Variants in CUX1 observed in about 807,000 individuals in gnomAD.
The protein encoded by CUX1 is cut like homeobox 1.
A neutral mutation model predicts 158.8 loss-of-function variants in CUX1; 31 were observed. That is an observed-to-expected ratio of 0.20 (90% CI 0.15 to 0.26). The LOEUF is 0.26. Among genes scored for constraint, CUX1 ranks in the 10% least tolerant of loss-of-function variants. The pLI is 1.00. For synonymous variants in CUX1, 879 were observed against 862.1 expected, an observed-to-expected ratio of 1.02 and a Z score of -0.34; for missense variants, 1,589 against 2,014.6, an observed-to-expected ratio of 0.79 and a Z score of 4.04.
At chr7:102,049,681 AAAAAC>A (rs1213598261) in intron 3 of CUX1, among the ~76,000 whole-genome samples, 1 of 152,100 alleles carries the variant, frequency 6.6e-6, no homozygotes, top group Non-Finnish European at 1.5e-5. Context: ...CTCTACCAAA[AAAAAC>A]AAAAACAAAA....
chr7:102,036,922 G>C (rs898192029), intron 3 of CUX1, among the ~76,000 whole-genome samples: 1 of 152,208 alleles, frequency 6.6e-6, no homozygotes, highest in East Asian at 1.9e-4. Context: ...CGAGTGCACT[G>C]GCTGCTATCT....
chr7:102,177,379 A>C (rs1308052433), intron 10 of CUX1, among the ~76,000 whole-genome samples: 1 of 150,192 alleles, frequency 6.7e-6, no homozygotes, highest in Non-Finnish European at 1.5e-5. Context: ...GCGCCACTGC[A>C]CTCCAGCCTG....
At chr7:102,013,088 T>G (rs1229844101) in intron 2 of CUX1, among the ~76,000 whole-genome samples, 2 of 151,660 alleles carry the variant, frequency 1.3e-5, no homozygotes, top group Admixed American at 6.6e-5. Flanking sequence ...CCTCAAATAC[T>G]TACTAGTTTA....
Position 102,253,010 on chromosome 7 carries a change from C to A in CUX1, c.*3968C>A. The A allele has an allele frequency of 2.0e-6, 2 of 985,460 alleles. No individual in the cohort carries two copies. The highest frequency in any genetic ancestry group is 2.4e-6 in the Non-Finnish European group (2 of 829,962). 61.0% of individuals were successfully genotyped at this position (985,460 alleles called of 1,614,324 possible). On this transcript the variant is annotated 3_prime_UTR_variant, in exon 24 of 24. Coordinates refer to ENST00000292535, the MANE Select transcript of CUX1 (RefSeq NM_181552.4). The stretch of plus-strand genomic sequence containing the variant: ...GGCTCACAGGGACCCACCATCAAAA[C>A]CTGCTACTTTGTGCAAGTAATTGAG...
intron 1 of CUX1, among the ~76,000 whole-genome samples, chr7:101,886,951 G>A (rs2131604189): frequency 6.6e-6 from 1 of 152,276 alleles, no homozygotes; most frequent in Admixed American, 6.5e-5. Context: ...TCAGCCACAG[G>A]ATGGCCCCCA....
rs184184693 is a variant in CUX1 at position 102,219,765 on chromosome 7, G to A, written c.3131-7602G>A. Among the ~76,000 whole-genome samples the A allele has an allele frequency of 1.5e-4, 23 of 152,306 alleles. No individual in the cohort carries two copies. In the East Asian group the frequency reaches 3.5e-3, roughly 23 times the overall value. Reference sequence around the variant, plus strand: ...TGTCTCTGTGACATCTGCTAAAGTCGCTGCATATTTTGTTTCAAGCTCTTG... The same window carrying A: ...TGTCTCTGTGACATCTGCTAAAGTCACTGCATATTTTGTTTCAAGCTCTTG... On this transcript the variant is annotated intron_variant, in intron 20 of 23. Transcript: ENST00000292535.
intron 20 of CUX1, among the ~76,000 whole-genome samples, chr7:102,219,055 AACACACACACACACAC>A (rs3138788): frequency 1.6e-5 from 2 of 126,354 alleles, no homozygotes; most frequent in Non-Finnish European, 3.3e-5. Context: ...CCTGCCTCAA[AACACACACACACACAC>A]ACACACACAC....
intron 2 of CUX1, among the ~76,000 whole-genome samples, chr7:101,922,159 C>T (rs1176736730): frequency 6.6e-6 from 1 of 152,136 alleles, no homozygotes. Flanking sequence ...AATCATCTTA[C>T]AAATATTTAT....
chr7:102,209,679 T>C (rs1216408559), intron 20 of CUX1, among the ~76,000 whole-genome samples: 1 of 152,212 alleles, frequency 6.6e-6, no homozygotes, highest in Non-Finnish European at 1.5e-5. Context: ...CATTTCAAGA[T>C]GGAGTTGCAG....
intron 3 of CUX1, among the ~76,000 whole-genome samples, chr7:102,035,651 C>CAAA (rs1821343880): frequency 6.5e-5 from 1 of 15,402 alleles, no homozygotes; most frequent in African/African-American, 4.5e-4. Flanking sequence ...AGATAGCCAG[C>CAAA]CAAAAAAAAA....
At position 102,256,814 on chromosome 7, in the gene CUX1, G is replaced by A. The variant is rs1008428739; in HGVS notation, c.*7772G>A. On this transcript the variant is annotated 3_prime_UTR_variant, in exon 24 of 24. Transcript: ENST00000292535. Reference sequence around the variant, plus strand: ...CCTGGCCAAGACTTTACCTCCAAGCGAGAGAGTGATTTCTTGCAAGGCCCG... The same window carrying A: ...CCTGGCCAAGACTTTACCTCCAAGCAAGAGAGTGATTTCTTGCAAGGCCCG... 18 of 985,354 alleles carry A rather than the reference G, an allele frequency of 1.8e-5. No individual in the cohort carries two copies. The South Asian group carries it at 1.9e-4, about 10-fold the overall frequency. 61.0% of individuals were successfully genotyped at this position (985,354 alleles called of 1,614,324 possible).
intron 1 of CUX1, among the ~76,000 whole-genome samples, chr7:101,860,485 A>G (rs1797322548): frequency 6.6e-6 from 1 of 152,250 alleles, no homozygotes. Context: ...GCTGTGTGGC[A>G]TGGCAGAATG....
intron 3 of CUX1, among the ~76,000 whole-genome samples, chr7:102,069,878 C>T (rs1407485019): frequency 6.6e-6 from 1 of 152,236 alleles, no homozygotes; most frequent in African/African-American, 2.4e-5. Context: ...CACAACTTTA[C>T]TGCCTGAAGT....
At chr7:102,002,512 G>A (rs1023050417) in intron 2 of CUX1, among the ~76,000 whole-genome samples, 3 of 152,162 alleles carry the variant, frequency 2.0e-5, no homozygotes, top group African/African-American at 7.2e-5. Flanking sequence ...TAGAGATTGG[G>A]GCTCTCAGGT....
chr7:102,060,589 A>G (rs1450563925), intron 3 of CUX1, among the ~76,000 whole-genome samples: 1 of 100,638 alleles, frequency 9.9e-6, no homozygotes, highest in African/African-American at 3.6e-5. Flanking sequence ...ACATATATAT[A>G]TATACACACA....
At chr7:102,206,753 G>A (rs1214266974) in intron 20 of CUX1, among the ~76,000 whole-genome samples, 1 of 152,160 alleles carries the variant, frequency 6.6e-6, no homozygotes, top group Non-Finnish European at 1.5e-5. Context: ...AAAAAAATTA[G>A]CTGAGTGTGG....
At chr7:102,270,937 G>T (rs1219114007) in intron 14 of CUX1, among the ~76,000 whole-genome samples, 1 of 152,146 alleles carries the variant, frequency 6.6e-6, no homozygotes, top group African/African-American at 2.4e-5. Flanking sequence ...CCAGGCCCAC[G>T]CACCCCATCA....
upstream of CUX1, chr7:101,817,460 G>A (rs10240246): frequency 3.2e-3 from 3,358 of 1,060,920 alleles, 70 homozygotes; most frequent in African/African-American, 0.052. The surrounding 1 kb of genome is among the most constrained non-coding windows in gnomAD (Gnocchi z 4.1). Context: ...GGAGTCCCCG[G>A]CGCCGCGGGG....
At chr7:102,144,545 C>T (rs1349724505) in intron 8 of CUX1, among the ~76,000 whole-genome samples, 1 of 151,906 alleles carries the variant, frequency 6.6e-6, no homozygotes, top group Non-Finnish European at 1.5e-5. Context: ...TAATTTTTCA[C>T]CTGCAGTCCC....
Sources: allele counts gnomAD v4.1 joint callset (sites outside exome capture counted in the v4.1 genomes callset), GRCh38; gene constraint gnomAD v4.1.1; non-coding constraint Gnocchi (gnomAD v3.1); transcripts MANE v1.5; gene names NCBI Gene and HGNC (gene_info 2026-07-23, HGNC 2026-07-21).